The following APBB2 variants were observed in gnomAD, a reference collection of about 807,000 sequenced individuals.
The protein encoded by APBB2 is amyloid beta precursor protein binding family B member 2, also known as Fe65-like 1.
A neutral mutation model predicts 82.5 loss-of-function variants in APBB2; 38 were observed. The observed-to-expected ratio is 0.46, with a 90% CI of 0.36 to 0.60. APBB2 has a LOEUF of 0.60. Ranked by LOEUF, APBB2 falls within the 20% of genes least tolerant of loss-of-function variation. The pLI is 0.00. For synonymous variants in APBB2, 341 were observed against 368.2 expected (o/e 0.93, Z 0.85); for missense variants, 772 against 972.3 (o/e 0.79, Z 2.74).
rs35178640 is a variant in APBB2 at position 40,893,353 on chromosome 4, C to G, written c.1313G>C (p.Gly438Ala). The G allele has an allele frequency of 4.3e-5, 69 of 1,613,530 alleles. No individual in the cohort carries two copies. The highest frequency in any genetic ancestry group is 5.8e-5 in the Non-Finnish European group (68 of 1,179,780). ...GTTGTTGACCGCAACACTACTTTTA[C>G]CGGGGGCGAGGTCCTCTTCTGCCAT... ...VEMAEEDLAP[G>A]KSSVAVNNCI... Residue 438 changes from glycine to alanine, a missense_variant, in exon 11 of 18, where the codon GGT (glycine) becomes GCT (alanine). Physicochemically the swap from Gly to Ala is moderately conservative, Grantham distance 60 (BLOSUM62 0). Coordinates refer to ENST00000508593, the MANE Select transcript of APBB2 (RefSeq NM_004307.2).
intron 12 of APBB2, among the ~76,000 whole-genome samples, chr4:40,861,025 C>T (rs1762623235): frequency 6.6e-6 from 1 of 152,132 alleles, no homozygotes; most frequent in Non-Finnish European, 1.5e-5. Context: ...ACCAGCTGGG[C>T]AATATAGCGA....
At chr4:40,831,806 A>T (rs943892057) in intron 12 of APBB2, among the ~76,000 whole-genome samples, 1 of 152,088 alleles carries the variant, frequency 6.6e-6, no homozygotes, top group African/African-American at 2.4e-5. Context: ...CACATCATTT[A>T]TTGCTTGCTG....
chr4:40,914,187 G>A lies in APBB2; in HGVS notation c.1254+20269C>T, dbSNP rs556898851. ...AGATCAAGACCATCCTGGCTAACAC[G>A]GTGAAACCCTGTCTCTACTAAAAAT... On this transcript the variant is annotated intron_variant, in intron 10 of 17. Coordinates refer to ENST00000508593, the MANE Select transcript of APBB2 (RefSeq NM_004307.2). 2.0e-4 allele frequency among the ~76,000 whole-genome samples: 31 copies of A among 152,184 alleles called. No individual in the cohort carries two copies. The East Asian group carries it at 2.9e-3, about 14-fold the overall frequency.
chr4:41,085,352 T>C (rs1034801276), intron 3 of APBB2, among the ~76,000 whole-genome samples: 4 of 151,584 alleles, frequency 2.6e-5, no homozygotes, highest in African/African-American at 9.7e-5. Flanking sequence ...CATGGGGGTA[T>C]AGGGTATAGA....
In APBB2 at chr4:40,823,649, C is replaced by A; in HGVS notation, c.1927G>T (p.Glu643Ter). 1 of 1,608,404 alleles carries A rather than the reference C, an allele frequency of 6.2e-7. No individual in the cohort carries two copies. Among genetic ancestry groups the A allele is most frequent in the Non-Finnish European group, 8.5e-7 (1 of 1,174,980 alleles). ...CATCGAAGATTCCTTCTCACCTTTT[C>A]ACTGATGACAGTCACAGTGGCATCA... ...VADATVTVIS[E>*]KNEEEVLVEC... Residue 643 changes from glutamate to a stop codon, truncating the protein, a stop_gained, in exon 16 of 18, where the codon GAA becomes TAA. Transcript: ENST00000508593. LOFTEE classifies it high-confidence loss of function.
intron 13 of APBB2, 59 bp downstream of exon 13, chr4:40,830,404 C>G (rs1156756950): frequency 1.6e-6 from 2 of 1,227,530 alleles, no homozygotes; most frequent in Admixed American, 3.4e-5. Flanking sequence ...CCTTCCACAT[C>G]CTTTTATGCA....
intron 2 of APBB2, among the ~76,000 whole-genome samples, chr4:41,117,093 C>T (rs962276581): frequency 4.6e-5 from 7 of 151,936 alleles, no homozygotes; most frequent in South Asian, 2.1e-4. Context: ...CAACTTTAGG[C>T]GATCCCCTCT....
At chr4:41,197,823 C>T in intron 1 of APBB2, among the ~76,000 whole-genome samples, 1 of 152,088 alleles carries the variant, frequency 6.6e-6, no homozygotes, top group African/African-American at 2.4e-5. Flanking sequence ...AATAAGTCTC[C>T]CCCATTTGAC....
At chr4:40,904,850 C>T (rs994964307) in intron 10 of APBB2, among the ~76,000 whole-genome samples, 2 of 152,026 alleles carry the variant, frequency 1.3e-5, no homozygotes, top group Non-Finnish European at 2.9e-5. Context: ...GCAGAGACCA[C>T]GGTGGCCAGG....
intron 5 of APBB2, among the ~76,000 whole-genome samples, chr4:41,026,876 T>G (rs4323143): frequency 0.27 from 40,317 of 152,040 alleles, 6,539 homozygotes; most frequent in East Asian, 0.55. Flanking sequence ...CCTTCTGGTC[T>G]TAAAAGAAAT....
chr4:41,200,000 G>A (rs534462761), intron 1 of APBB2, among the ~76,000 whole-genome samples: 2 of 152,188 alleles, frequency 1.3e-5, no homozygotes, highest in African/African-American at 4.8e-5. Flanking sequence ...ATGAGTAATT[G>A]TTAACCAACC....
At chr4:40,896,500 A>G (rs1773694874) in intron 10 of APBB2, among the ~76,000 whole-genome samples, 2 of 152,256 alleles carry the variant, frequency 1.3e-5, no homozygotes. Flanking sequence ...AATGGGAGCA[A>G]TAATAATAAT....
chr4:40,886,827 G>A (rs1224259354), intron 12 of APBB2, among the ~76,000 whole-genome samples: 3 of 152,188 alleles, frequency 2.0e-5, no homozygotes, highest in Admixed American at 1.3e-4. Flanking sequence ...TCCTGGGGCT[G>A]AACTAGATTG....
chr4:41,069,387 G>A (rs955926655), intron 3 of APBB2, among the ~76,000 whole-genome samples: 3 of 152,136 alleles, frequency 2.0e-5, no homozygotes, highest in Non-Finnish European at 4.4e-5. Flanking sequence ...TGCCAAAGGA[G>A]CAAGATTCAT....
intron 4 of APBB2, among the ~76,000 whole-genome samples, chr4:41,055,787 T>C (rs1253585928): frequency 1.3e-5 from 2 of 152,214 alleles, no homozygotes; most frequent in Non-Finnish European, 2.9e-5. Flanking sequence ...TTTCCTGTCA[T>C]TGAGTGATAA....
rs925420963 is a variant in APBB2, at chr4:40,823,182, A to G, written c.1932+462T>C. On this transcript the variant is annotated intron_variant, in intron 16 of 17. Transcript: ENST00000508593. ...AATGACTTAGCCTCTCTGTGCTTCA[A>G]TTTCTTCAACCACGAAACTGAGATA... 3.9e-5 allele frequency among the ~76,000 whole-genome samples: 6 copies of G among 152,220 alleles called. 1 individual carries two copies. Among genetic ancestry groups the G allele is most frequent in the Admixed American group, 6.5e-5 (1 of 15,286 alleles).
chr4:40,916,626 C>A (rs1186534614), intron 10 of APBB2, among the ~76,000 whole-genome samples: 1 of 152,184 alleles, frequency 6.6e-6, no homozygotes, highest in Non-Finnish European at 1.5e-5. Context: ...TCATGTCTTA[C>A]CCTGTGTGTA....
chr4:40,875,441 AG>A (rs1406914730), intron 12 of APBB2, among the ~76,000 whole-genome samples: 1 of 152,370 alleles, frequency 6.6e-6, no homozygotes, highest in African/African-American at 2.4e-5. Context: ...ACAATTTTCT[AG>A]TAGCCACATT....
intron 6 of APBB2, among the ~76,000 whole-genome samples, chr4:40,958,768 G>A (rs1013096931): frequency 6.6e-6 from 1 of 152,142 alleles, no homozygotes; most frequent in Non-Finnish European, 1.5e-5. Flanking sequence ...ACCATGCCCA[G>A]CTGATTTTTA....
Sources: allele counts gnomAD v4.1 joint callset (sites outside exome capture counted in the v4.1 genomes callset), GRCh38; gene constraint gnomAD v4.1.1; transcripts MANE v1.5; gene names NCBI Gene and HGNC (gene_info 2026-07-23, HGNC 2026-07-21).